Variants in RBX1 observed in about 807,000 individuals in gnomAD.
RBX1 encodes E3 ubiquitin-protein ligase RBX1.
For missense variants in RBX1, 46 were observed against 141.4 expected, an observed-to-expected ratio of 0.33 and a Z score of 3.42; for synonymous variants, 48 against 47.9, an observed-to-expected ratio of 1.00 and a Z score of -0.01.
intron 3 of RBX1, 82 bp from the exon 4 acceptor site, chr22:40,967,717 C>T: frequency 9.2e-6 from 10 of 1,081,316 alleles, no homozygotes; most frequent in Non-Finnish European, 1.4e-5. Flanking sequence ...GTCACCCATG[C>T]CACTACCCTG....
chr22:40,971,545 A>G (rs2058369052), intron 4 of RBX1, among the ~76,000 whole-genome samples: 1 of 151,958 alleles, frequency 6.6e-6, no homozygotes, highest in Non-Finnish European at 1.5e-5. Context: ...CCTTGGCTTT[A>G]TTTATTTTTA....
rs575516497 is a variant in RBX1 at position 40,972,624 on chromosome 22, A to G, written c.*136A>G. 2.9e-6 allele frequency: 2 copies of G among 699,276 alleles called. No individual in the cohort carries two copies. The highest frequency in any genetic ancestry group is 1.8e-5 in the African/African-American group (1 of 56,250). 43.3% of individuals were successfully genotyped at this position (699,276 alleles called of 1,614,324 possible). A position where few individuals can be genotyped will look rare whatever the true frequency, so the allele number is the denominator to read the frequency against. On this transcript the variant is annotated 3_prime_UTR_variant, in exon 5 of 5. Coordinates refer to ENST00000216225, the MANE Select transcript of RBX1 (RefSeq NM_014248.4). ...TTCAGTTTGCTGTTTCTGTAGCCAT[A>G]TTGTATTCTGTGTCAAATAAAGTCC...
Position 40,967,899 on chromosome 22 carries a change from T to A in RBX1, c.314+15T>A. The A allele has an allele frequency of 6.3e-7, 1 of 1,587,578 alleles. No homozygotes were observed. The highest frequency in any genetic ancestry group is 1.1e-5 in the South Asian group (1 of 90,504). On this transcript the variant is annotated intron_variant, in intron 4 of 4. Transcript: ENST00000216225. ...GAATTCCAAAAGTAGGTATCTTTGG[T>A]TGTTTTGACGGGGCTTTTTGACTTG...
At chr22:40,955,734 C>T (rs1271028678) in intron 2 of RBX1, among the ~76,000 whole-genome samples, 3 of 152,150 alleles carry the variant, frequency 2.0e-5, no homozygotes, top group Non-Finnish European at 2.9e-5. Flanking sequence ...TTGAAAAGCA[C>T]GAATCAAATA....
chr22:40,967,752 T>G, intron 3 of RBX1, 47 bp from the exon 4 acceptor site: 1 of 1,522,028 alleles, frequency 6.6e-7, no homozygotes, highest in East Asian at 2.3e-5. Flanking sequence ...GCTCGATGGC[T>G]GAGCCTGCAT....
intron 4 of RBX1, among the ~76,000 whole-genome samples, chr22:40,969,402 T>C (rs867480043): frequency 1.3e-5 from 2 of 152,136 alleles, no homozygotes; most frequent in East Asian, 3.9e-4. Flanking sequence ...CATGAAGCTT[T>C]GTGTAAATGT....
chr22:40,967,745 C>G, intron 3 of RBX1, 54 bp from the exon 4 acceptor site: 2 of 1,479,250 alleles, frequency 1.4e-6, no homozygotes, highest in South Asian at 1.2e-5. Context: ...TGTTGTCGCT[C>G]GATGGCTGAG....
intron 1 of RBX1, among the ~76,000 whole-genome samples, chr22:40,951,951 A>G (rs1474588570): frequency 6.6e-6 from 1 of 151,248 alleles, no homozygotes; most frequent in Non-Finnish European, 1.5e-5. Flanking sequence ...CCCTTTTTGA[A>G]GCTTGGGGTC....
At chr22:40,956,879 C>G (rs2058327007) in intron 2 of RBX1, among the ~76,000 whole-genome samples, 3 of 151,340 alleles carry the variant, frequency 2.0e-5, no homozygotes, top group Admixed American at 2.0e-4. Context: ...ACTAAAAATA[C>G]AAAAAATTAG....
At chr22:40,969,632 C>A (rs1301701201) in intron 4 of RBX1, among the ~76,000 whole-genome samples, 1 of 152,140 alleles carries the variant, frequency 6.6e-6, no homozygotes, top group Non-Finnish European at 1.5e-5. Flanking sequence ...TGCCTGTAAT[C>A]CCAGCACTTT....
intron 1 of RBX1, 54 bp from the exon 2 acceptor site, chr22:40,953,501 G>C: frequency 8.4e-7 from 1 of 1,185,992 alleles, no homozygotes; most frequent in Non-Finnish European, 1.3e-6. Context: ...GTCCTAAAGA[G>C]TATGTGTGTG....
chr22:40,968,395 T>C (rs1358790503), intron 4 of RBX1, among the ~76,000 whole-genome samples: 2 of 152,088 alleles, frequency 1.3e-5, no homozygotes, highest in African/African-American at 4.8e-5. Context: ...CCGGCAGGTT[T>C]CCCAACCTTC....
intron 4 of RBX1, among the ~76,000 whole-genome samples, chr22:40,970,478 C>G (rs1024677470): frequency 2.6e-5 from 4 of 152,028 alleles, no homozygotes; most frequent in African/African-American, 9.7e-5. Flanking sequence ...TCTTCATTTC[C>G]TGCCAGTGCT....
intron 2 of RBX1, among the ~76,000 whole-genome samples, chr22:40,961,081 C>CTTTTTTTTTTTTTTTTTTTTTTTTTT (rs61092253): frequency 2.8e-5 from 3 of 107,666 alleles, no homozygotes; most frequent in African/African-American, 1.1e-4. Context: ...CGTGCCTGGC[C>CTTTTTTTTTTTTTTTTTTTTTTTTTT]TTTTTTTTTT....
chr22:40,967,555 C>G, intron 3 of RBX1: 1 of 388,938 alleles, frequency 2.6e-6, no homozygotes, highest in Non-Finnish European at 4.7e-6. Flanking sequence ...AGTGCTGGCA[C>G]ATACTCCTGT....
At chr22:40,966,464 T>C (rs2058354742) in intron 3 of RBX1, 1 of 152,158 alleles carries the variant, frequency 6.6e-6, no homozygotes, top group African/African-American at 2.4e-5. Context: ...CAACACCTGA[T>C]GGTTAAGAAA....
At chr22:40,958,225 A>G (rs1199742644) in intron 2 of RBX1, among the ~76,000 whole-genome samples, 1 of 151,458 alleles carries the variant, frequency 6.6e-6, no homozygotes, top group Non-Finnish European at 1.5e-5. Flanking sequence ...CTTCCAAAAC[A>G]CTGAGCTTAC....
intron 2 of RBX1, among the ~76,000 whole-genome samples, chr22:40,958,211 T>C (rs1437018940): frequency 6.6e-6 from 1 of 151,950 alleles, no homozygotes; most frequent in East Asian, 1.9e-4. Context: ...CCTCCTGCCT[T>C]GCCCTTCCAA....
At chr22:40,953,073 C>T (rs1276744436) in intron 1 of RBX1, among the ~76,000 whole-genome samples, 1 of 149,364 alleles carries the variant, frequency 6.7e-6, no homozygotes, top group Non-Finnish European at 1.5e-5. Context: ...TCACTGCAAC[C>T]TCCGTCCCCC....
Sources: allele counts gnomAD v4.1 joint callset (sites outside exome capture counted in the v4.1 genomes callset), GRCh38; gene constraint gnomAD v4.1.1; transcripts MANE v1.5; gene names NCBI Gene and HGNC (gene_info 2026-07-23, HGNC 2026-07-21).